The following RGS6 variants were observed in gnomAD, a reference collection of about 807,000 sequenced individuals.
RGS6 encodes the protein regulator of G protein signaling 6, also known as regulator of G-protein signaling 6.
A neutral mutation model predicts 78.5 loss-of-function variants in RGS6; 30 were observed. That is an observed-to-expected ratio of 0.38 (90% CI 0.29 to 0.52). The LOEUF (loss-of-function observed/expected upper bound fraction) is 0.52. RGS6 is among the 20% of genes least tolerant of loss of function. The probability of loss-of-function intolerance (pLI) is 0.85; values close to 1 mark genes in which losing one functional copy is unlikely to be tolerated. For synonymous variants in RGS6, 206 were observed against 206.0 expected (o/e 1.00, Z 0.00); for missense variants, 495 against 609.7 (o/e 0.81, Z 1.98).
chr14:71,951,559 TTAACA>T (rs201653014), intron 1 of RGS6, among the ~76,000 whole-genome samples: 3,540 of 152,254 alleles, frequency 0.023, 129 homozygotes, highest in African/African-American at 0.08. Flanking sequence ...ACCCCAGAAC[TTAACA>T]TAATATATAA....
intron 2 of RGS6, among the ~76,000 whole-genome samples, chr14:72,296,854 TC>T (rs1395334841): frequency 2.0e-5 from 3 of 152,198 alleles, no homozygotes; most frequent in African/African-American, 7.2e-5. Context: ...CTTGCCTTCC[TC>T]AAAGTCACAA....
chr14:72,074,610 A>G (rs1015799888), intron 2 of RGS6, among the ~76,000 whole-genome samples: 9 of 152,220 alleles, frequency 5.9e-5, no homozygotes, highest in African/African-American at 1.4e-4. Flanking sequence ...CCTAAGTTGT[A>G]TAACCTTTTG....
At chr14:72,595,822 T>C in the RGS6 span, among the ~76,000 whole-genome samples, 1 of 152,232 alleles carries the variant, frequency 6.6e-6, no homozygotes. Flanking sequence ...ACCACCATCA[T>C]ACGGTTGCAA....
At chr14:72,312,485 G>C (rs2068882954) in intron 2 of RGS6, among the ~76,000 whole-genome samples, 1 of 152,146 alleles carries the variant, frequency 6.6e-6, no homozygotes, top group Non-Finnish European at 1.5e-5. Flanking sequence ...AAAAGGACAG[G>C]CTCTGGTTTT....
chr14:72,085,683 A>C (rs1372308230), intron 2 of RGS6, among the ~76,000 whole-genome samples: 1 of 151,886 alleles, frequency 6.6e-6, no homozygotes, highest in Admixed American at 6.6e-5. Flanking sequence ...GCGAAACCTC[A>C]TCTCTACTAA....
chr14:72,075,871 C>A (rs2094555697), intron 2 of RGS6, among the ~76,000 whole-genome samples: 1 of 152,194 alleles, frequency 6.6e-6, no homozygotes, highest in Non-Finnish European at 1.5e-5. Flanking sequence ...AAAACCTCAT[C>A]AGTTGTCTCT....
intron 2 of RGS6, among the ~76,000 whole-genome samples, chr14:72,253,956 A>G (rs1003256186): frequency 3.3e-5 from 5 of 152,194 alleles, no homozygotes; most frequent in African/African-American, 1.2e-4. Context: ...ATCCCAGGGC[A>G]CCTCACGTGG....
chr14:72,495,416 T>A (rs1274799216), intron 13 of RGS6, among the ~76,000 whole-genome samples, 154 bp downstream of exon 13: 1 of 152,224 alleles, frequency 6.6e-6, no homozygotes. Flanking sequence ...ACTTACAGTT[T>A]CTACCTCCTT....
intron 3 of RGS6, among the ~76,000 whole-genome samples, chr14:72,431,874 C>A (rs2094661606): frequency 6.6e-6 from 1 of 152,064 alleles, no homozygotes; most frequent in Non-Finnish European, 1.5e-5. Flanking sequence ...TATCTTTTTG[C>A]CTTTTTTCCC....
intron 2 of RGS6, among the ~76,000 whole-genome samples, chr14:72,169,056 C>T (rs1463072465): frequency 6.6e-6 from 1 of 152,146 alleles, no homozygotes; most frequent in Non-Finnish European, 1.5e-5. Context: ...TATAACCAGG[C>T]ACAGAAAGTA....
At chr14:72,266,854 G>A (rs2059143124) in intron 2 of RGS6, among the ~76,000 whole-genome samples, 1 of 152,160 alleles carries the variant, frequency 6.6e-6, no homozygotes, top group Admixed American at 6.5e-5. Context: ...GGCTGGGTGA[G>A]GGCAAGTTTA....
chr14:72,422,895 G>A (rs1181390969), intron 3 of RGS6, among the ~76,000 whole-genome samples: 1 of 152,262 alleles, frequency 6.6e-6, no homozygotes, highest in Non-Finnish European at 1.5e-5. Flanking sequence ...AGCAGAGCCA[G>A]GAGAGGGCAT....
intron 3 of RGS6, chr14:72,420,962 A>G (rs560021149): frequency 4.6e-5 from 7 of 152,278 alleles, no homozygotes; most frequent in Admixed American, 2.0e-4. Flanking sequence ...TGTGAACTGC[A>G]CCCCAGGCGT....
At chr14:72,142,312 T>TAA (rs566188728) in intron 2 of RGS6, among the ~76,000 whole-genome samples, 2 of 143,862 alleles carry the variant, frequency 1.4e-5, no homozygotes, top group Non-Finnish European at 3.1e-5. Flanking sequence ...ATAAAGTGAT[T>TAA]AAAAAAAAAA....
chr14:72,562,850 C>A lies in RGS6; in HGVS notation c.*383C>A. On this transcript the variant is annotated 3_prime_UTR_variant, in exon 18 of 18. Transcript: ENST00000553525. ...CACTCCCTCGCTGTCTGGAGACGGT[C>A]ACACCTTCTGGCAAATTCAAGAGGC... 8.4e-7 allele frequency: 1 copy of A among 1,195,586 alleles called. No homozygotes were observed. Among genetic ancestry groups the A allele is most frequent in the Non-Finnish European group, 1.2e-6 (1 of 836,894 alleles). The allele number at this position is 1,195,586 out of a possible 1,614,324, so 74.1% of individuals were successfully genotyped here. A position where few individuals can be genotyped will look rare whatever the true frequency, so the allele number is the denominator to read the frequency against.
chr14:72,442,433 C>T (rs1442526387), intron 3 of RGS6, among the ~76,000 whole-genome samples: 1 of 152,152 alleles, frequency 6.6e-6, no homozygotes, highest in Non-Finnish European at 1.5e-5. Flanking sequence ...TTTCTTGACA[C>T]TGGGTCACCC....
intron 2 of RGS6, among the ~76,000 whole-genome samples, chr14:72,034,614 C>A (rs1469124667): frequency 6.6e-6 from 1 of 152,132 alleles, no homozygotes; most frequent in Admixed American, 6.5e-5. Flanking sequence ...TATCAGGGAT[C>A]CTTGTGGTTT....
At chr14:72,314,834 T>A (rs561760065) in intron 2 of RGS6, among the ~76,000 whole-genome samples, 2 of 152,324 alleles carry the variant, frequency 1.3e-5, no homozygotes, top group South Asian at 4.1e-4. Context: ...TTTCTACAAG[T>A]TATGTAAAAC....
At chr14:72,092,405 G>A (rs909987290) in intron 2 of RGS6, among the ~76,000 whole-genome samples, 3 of 151,524 alleles carry the variant, frequency 2.0e-5, no homozygotes, top group Non-Finnish European at 2.9e-5. Context: ...TGCCCAGGCT[G>A]GTCTCTCGCT....
Sources: allele counts gnomAD v4.1 joint callset (sites outside exome capture counted in the v4.1 genomes callset), GRCh38; gene constraint gnomAD v4.1.1; transcripts MANE v1.5; gene names NCBI Gene and HGNC (gene_info 2026-07-23, HGNC 2026-07-21).